Variants in NUP160 observed in about 807,000 individuals in gnomAD.
NUP160 encodes the protein nuclear pore complex protein Nup160.
In NUP160, 94 loss-of-function variants were observed where a neutral mutation model predicts 196.9. That is an observed-to-expected ratio of 0.48 (90% CI 0.40 to 0.57). The LOEUF (loss-of-function observed/expected upper bound fraction) is 0.57. Among genes scored for constraint, NUP160 ranks in the 20% least tolerant of loss-of-function variants. The pLI is 0.00. For missense variants in NUP160, 1,638 were observed against 1,748.3 expected (o/e 0.94, Z 1.13); for synonymous variants, 605 against 619.7 (o/e 0.98, Z 0.35).
intron 34 of NUP160, among the ~76,000 whole-genome samples, chr11:47,781,630 C>T (rs892911611): frequency 1.3e-5 from 2 of 152,034 alleles, no homozygotes; most frequent in Non-Finnish European, 2.9e-5. Context: ...ATTATATTTG[C>T]CATCTGTATG....
chr11:47,822,564 T>C (rs1223196644), intron 7 of NUP160, among the ~76,000 whole-genome samples: 2 of 151,768 alleles, frequency 1.3e-5, no homozygotes, highest in African/African-American at 2.4e-5. Context: ...CCAAAAATTT[T>C]TTTTCTTTTC....
At chr11:47,823,762 C>A (rs1326918354) in intron 7 of NUP160, among the ~76,000 whole-genome samples, 2 of 151,864 alleles carry the variant, frequency 1.3e-5, no homozygotes, top group Non-Finnish European at 2.9e-5. Context: ...GTCTTGATCT[C>A]CTGACCTTGT....
chr11:47,818,213 T>G (rs1383170825), intron 10 of NUP160, 89 bp from the exon 11 acceptor site: 1 of 801,818 alleles, frequency 1.2e-6, no homozygotes, highest in African/African-American at 1.7e-5. Flanking sequence ...TTCTACTATA[T>G]GAACATTGCC....
chr11:47,846,601 G>A (rs1004358943), intron 2 of NUP160, among the ~76,000 whole-genome samples: 1 of 152,034 alleles, frequency 6.6e-6, no homozygotes, highest in Non-Finnish European at 1.5e-5. Flanking sequence ...AAGGTATCTT[G>A]AATCCATCTA....
At chr11:47,824,670 GCT>G (rs1851933087) in intron 7 of NUP160, among the ~76,000 whole-genome samples, 1 of 151,948 alleles carries the variant, frequency 6.6e-6, no homozygotes, top group African/African-American at 2.4e-5. Context: ...GACAGGTCTT[GCT>G]CTGTTACCCA....
chr11:47,819,479 C>T (rs751999568), intron 9 of NUP160, 21 bp from the exon 10 acceptor site: 1 of 1,536,854 alleles, frequency 6.5e-7, no homozygotes, highest in South Asian at 1.1e-5. Context: ...AAAAGTCCAC[C>T]AGTTTATACA....
At chr11:47,788,136 T>C (rs2097665731) in intron 31 of NUP160, 46 bp downstream of exon 31, 1 of 1,509,596 alleles carries the variant, frequency 6.6e-7, no homozygotes, top group Non-Finnish European at 9.1e-7. Context: ...AAGAGGATAA[T>C]ATATTTGCAT....
chr11:47,792,800 C>A, exon 28 of NUP160: 8 of 1,612,552 alleles, frequency 5.0e-6, no homozygotes, highest in Non-Finnish European at 5.9e-6. Flanking sequence ...GCACCAGACA[C>A]TGGCTGCACA....
chr11:47,798,908 C>T (rs1202137503), intron 23 of NUP160, among the ~76,000 whole-genome samples: 1 of 147,522 alleles, frequency 6.8e-6, no homozygotes, highest in African/African-American at 2.5e-5. Flanking sequence ...ACCTGTCATT[C>T]TGACCAACAC....
At chr11:47,817,907 A>G (rs1329749307) in intron 11 of NUP160, 149 bp downstream of exon 11, 2 of 563,218 alleles carry the variant, frequency 3.6e-6, no homozygotes, top group Non-Finnish European at 6.4e-6. Context: ...AAAGAACATT[A>G]AAAAAATTAT....
At chr11:47,839,901 G>A in exon 4 of NUP160, 1 of 1,614,204 alleles carries the variant, frequency 6.2e-7, no homozygotes. Flanking sequence ...CACATGGTAA[G>A]GCAAACAGGG....
chr11:47,831,842 C>CAAAAAAAAAAAAAAAAA (rs372159602), intron 7 of NUP160, among the ~76,000 whole-genome samples: 1 of 66,666 alleles, frequency 1.5e-5, no homozygotes, highest in African/African-American at 7.1e-5. Context: ...GACTCTCTCT[C>CAAAAAAAAAAAAAAAAA]AAAAAAAAAA....
chr11:47,804,492 T>C, intron 21 of NUP160, 57 bp downstream of exon 21: 1 of 1,178,078 alleles, frequency 8.5e-7, no homozygotes, highest in African/African-American at 1.6e-5. Context: ...AGAAAAAAAT[T>C]CAGCAATCCC....
At position 47,788,555 on chromosome 11, in the gene NUP160, C is replaced by T. The variant is rs769559841; in HGVS notation, c.3568G>A (p.Ala1190Thr). ...TGAGCCAAAGTGAGGCGGATGCGAG[C>T]CAAGGAACACTCTTTCTCCAGATCT... The change falls in exon 30 of 36, where the codon GCT becomes ACT. Residue 1190 changes from alanine (A) to threonine (T), a missense_variant. Around this residue, in one of 3 missense-constraint regions of NUP160, gnomAD observed 1,345 missense variants for 1,470.2 expected, o/e 0.91. Coordinates refer to ENST00000378460, the Ensembl canonical transcript of NUP160. 125 of 1,613,924 alleles carry T rather than the reference C, an allele frequency of 7.7e-5. 3 individuals carry two copies. The South Asian group carries it at 1.4e-3, about 17-fold the overall frequency.
exon 1 of NUP160, chr11:47,848,299 A>G: frequency 1.9e-6 from 3 of 1,613,906 alleles, no homozygotes; most frequent in Non-Finnish European, 2.5e-6. Context: ...GCTCCGTTCC[A>G]GGGCTCCCGC....
chr11:47,807,079 T>C, exon 19 of NUP160: 1 of 1,607,416 alleles, frequency 6.2e-7, no homozygotes, highest in Non-Finnish European at 8.5e-7. Context: ...CCAAACCTAT[T>C]TGCCATTAAA....
At chr11:47,810,605 G>A (rs565993620) in intron 17 of NUP160, among the ~76,000 whole-genome samples, 2 of 150,588 alleles carry the variant, frequency 1.3e-5, no homozygotes, top group South Asian at 4.2e-4. Flanking sequence ...GGAGTGCAGT[G>A]GTGCAATCTT....
At chr11:47,829,651 T>C (rs1852036719) in intron 7 of NUP160, among the ~76,000 whole-genome samples, 1 of 152,068 alleles carries the variant, frequency 6.6e-6, no homozygotes. Flanking sequence ...GACAAACTAA[T>C]TAAAAAATGG....
chr11:47,835,892 A>G (rs898052287), intron 6 of NUP160, 83 bp from the exon 7 acceptor site: 26 of 1,117,566 alleles, frequency 2.3e-5, no homozygotes, highest in Admixed American at 1.8e-4. Context: ...TGGACCTTTC[A>G]TTGTATCTAC....
Sources: allele counts gnomAD v4.1 joint callset (sites outside exome capture counted in the v4.1 genomes callset), GRCh38; gene constraint gnomAD v4.1.1; regional missense constraint gnomAD v4.1.1; transcripts MANE v1.5; gene names NCBI Gene and HGNC (gene_info 2026-07-23, HGNC 2026-07-21).